The following MOB3B variants were observed in gnomAD, a reference collection of about 807,000 sequenced individuals.
The protein encoded by MOB3B is MOB kinase activator-like 2B.
Under a neutral mutation model 18.7 loss-of-function variants are expected in MOB3B, and 7 were observed. That is an observed-to-expected ratio of 0.37 (90% CI 0.21 to 0.70). MOB3B has a LOEUF of 0.70. Among genes scored for constraint, MOB3B ranks in the 30% least tolerant of loss-of-function variants. The pLI is 0.52. For missense variants in MOB3B, 253 were observed against 281.3 expected, an observed-to-expected ratio of 0.90 and a Z score of 0.72; for synonymous variants, 111 against 99.9, an observed-to-expected ratio of 1.11 and a Z score of -0.66.
intron 2 of MOB3B, among the ~76,000 whole-genome samples, chr9:27,444,559 C>A (rs1224670149): frequency 1.3e-5 from 2 of 152,074 alleles, no homozygotes; most frequent in Non-Finnish European, 2.9e-5. Flanking sequence ...TTTATCATTT[C>A]CAGAAAACAG....
intron 3 of MOB3B, among the ~76,000 whole-genome samples, chr9:27,342,456 C>G (rs1243188691): frequency 6.6e-6 from 1 of 151,820 alleles, no homozygotes; most frequent in African/African-American, 2.4e-5. Context: ...CTCCGTCTCC[C>G]TTTCCCTCGT....
At chr9:27,402,345 A>G (rs1487731189) in intron 2 of MOB3B, among the ~76,000 whole-genome samples, 2 of 152,354 alleles carry the variant, frequency 1.3e-5, no homozygotes, top group Middle Eastern at 3.4e-3. Flanking sequence ...GACTCGGTCT[A>G]TCTTGATTCC....
chr9:27,384,181 G>A (rs994135313), intron 2 of MOB3B, among the ~76,000 whole-genome samples: 2 of 152,098 alleles, frequency 1.3e-5, no homozygotes, highest in Non-Finnish European at 2.9e-5. Context: ...TTCCAGGGAA[G>A]CTCATCTAGT....
chr9:27,502,471 C>T (rs886715274), intron 1 of MOB3B, among the ~76,000 whole-genome samples: 3 of 152,182 alleles, frequency 2.0e-5, no homozygotes, highest in African/African-American at 7.2e-5. Flanking sequence ...CTACAGTATA[C>T]CCCAAACCAG....
chr9:27,336,705 G>A (rs1820868842), intron 3 of MOB3B, among the ~76,000 whole-genome samples: 1 of 151,974 alleles, frequency 6.6e-6, no homozygotes, highest in African/African-American at 2.4e-5. Flanking sequence ...TTTAATGGTG[G>A]CTACTAGGGG....
chr9:27,467,586 A>C (rs1302516153), intron 1 of MOB3B, among the ~76,000 whole-genome samples: 2 of 152,256 alleles, frequency 1.3e-5, no homozygotes, highest in African/African-American at 4.8e-5. Context: ...TTGGATGAGG[A>C]AGAATTTTCC....
At chr9:27,407,272 C>T (rs1453672654) in intron 2 of MOB3B, among the ~76,000 whole-genome samples, 6 of 152,214 alleles carry the variant, frequency 3.9e-5, no homozygotes, top group Non-Finnish European at 7.3e-5. Flanking sequence ...CATTCCCAGA[C>T]GTGGCTGTGG....
In MOB3B at chr9:27,455,530, C is replaced by T. The variant is rs774366968; in HGVS notation, c.21G>A (p.Gln7=). The T allele has an allele frequency of 6.2e-7, 1 of 1,614,186 alleles. No homozygotes were observed. Among genetic ancestry groups the T allele is most frequent in the South Asian group, 1.1e-5 (1 of 91,082 alleles). The change falls in exon 2 of 4, where the codon CAG becomes CAA. Residue 7 remains glutamine (Q), a synonymous_variant. Coordinates refer to ENST00000262244, the MANE Select transcript of MOB3B (RefSeq NM_024761.5). ...GGAAGGTCTTGTCCTTGTTGAATAC[C>T]TGCTTCAGGGCTATGGACATGGTCT... MSIALK[Q]VFNKDKTFRP... is the part of the protein sequence containing the mutation.
intron 1 of MOB3B, among the ~76,000 whole-genome samples, chr9:27,520,922 T>C (rs1343489245): frequency 1.3e-5 from 2 of 152,214 alleles, no homozygotes; most frequent in East Asian, 3.8e-4. Flanking sequence ...GTCCCAAATA[T>C]TGCATGAGTG....
At chr9:27,385,398 G>T (rs1270115480) in intron 2 of MOB3B, among the ~76,000 whole-genome samples, 1 of 152,156 alleles carries the variant, frequency 6.6e-6, no homozygotes, top group Non-Finnish European at 1.5e-5. Flanking sequence ...GGTAGGTCAG[G>T]ACTGACTGGT....
intron 2 of MOB3B, among the ~76,000 whole-genome samples, chr9:27,412,850 T>G (rs539946790): frequency 4.1e-4 from 63 of 152,350 alleles, no homozygotes; most frequent in African/African-American, 1.5e-3. Flanking sequence ...TCTGATGGTT[T>G]ACTCACATCT....
intron 2 of MOB3B, among the ~76,000 whole-genome samples, chr9:27,411,464 C>G (rs1450113171): frequency 6.6e-6 from 1 of 152,176 alleles, no homozygotes; most frequent in African/African-American, 2.4e-5. Context: ...GTAAGAGAGG[C>G]TGGATCAGGA....
chr9:27,407,566 G>A (rs999704041), intron 2 of MOB3B, among the ~76,000 whole-genome samples: 1 of 152,130 alleles, frequency 6.6e-6, no homozygotes, highest in Non-Finnish European at 1.5e-5. Context: ...CAGAGTACTG[G>A]CCTTCCTTCC....
intron 2 of MOB3B, among the ~76,000 whole-genome samples, chr9:27,402,180 G>A (rs893805700): frequency 6.6e-6 from 1 of 152,142 alleles, no homozygotes; most frequent in Non-Finnish European, 1.5e-5. Flanking sequence ...TGGCATATGA[G>A]GAATAGTCAA....
intron 2 of MOB3B, among the ~76,000 whole-genome samples, chr9:27,415,403 T>C (rs1822129469): frequency 6.9e-6 from 1 of 144,944 alleles, no homozygotes; most frequent in Admixed American, 7.2e-5. Flanking sequence ...GTGAATGATA[T>C]ATGGGAACTA....
At chr9:27,332,694 G>A (rs1412241160) in intron 3 of MOB3B, among the ~76,000 whole-genome samples, 1 of 152,202 alleles carries the variant, frequency 6.6e-6, no homozygotes, top group Non-Finnish European at 1.5e-5. Context: ...CTGTTTGCCA[G>A]TCCCAGTGTC....
At chr9:27,350,389 C>T (rs1156425645) in intron 3 of MOB3B, among the ~76,000 whole-genome samples, 2 of 152,064 alleles carry the variant, frequency 1.3e-5, no homozygotes, top group African/African-American at 2.4e-5. Flanking sequence ...ATATTATATG[C>T]TAGCAATTTT....
intron 2 of MOB3B, among the ~76,000 whole-genome samples, chr9:27,380,544 A>T (rs1187590719): frequency 2.0e-5 from 3 of 152,078 alleles, no homozygotes; most frequent in Non-Finnish European, 4.4e-5. Context: ...GCCAAGAGAT[A>T]GGAATTCCAT....
At chr9:27,342,918 T>C (rs755466482) in intron 3 of MOB3B, among the ~76,000 whole-genome samples, 43 of 146,768 alleles carry the variant, frequency 2.9e-4, no homozygotes, top group Non-Finnish European at 5.3e-4. Flanking sequence ...CGTCTCTGCC[T>C]GGCCACCCAT....
Sources: gnomAD v4.1 joint callset for allele counts (sites outside exome capture counted in the v4.1 genomes callset) on GRCh38, gnomAD v4.1.1 for gene constraint, MANE v1.5 for transcripts, NCBI Gene and HGNC (gene_info 2026-07-23, HGNC 2026-07-21) for gene names.